DLG2: variants seen among roughly 807,000 people sequenced by gnomAD.
DLG2 encodes discs large MAGUK scaffold protein 2, also known as disks large homolog 2.
DLG2 carries 45 observed loss-of-function variants against 132.5 expected under a neutral mutation model. That is an observed-to-expected ratio of 0.34 (90% CI 0.27 to 0.44). DLG2 has a LOEUF of 0.44. Among genes scored for constraint, DLG2 ranks in the 20% least tolerant of loss-of-function variants. The pLI, the probability that DLG2 is intolerant of heterozygous loss-of-function variation, is 1.00. For missense variants in DLG2, 1,045 were observed against 1,196.9 expected, an observed-to-expected ratio of 0.87 and a Z score of 1.87; for synonymous variants, 424 against 419.6, an observed-to-expected ratio of 1.01 and a Z score of -0.13.
chr11:84,167,994 G>C (rs2095711702), intron 8 of DLG2, among the ~76,000 whole-genome samples: 2 of 152,174 alleles, frequency 1.3e-5, no homozygotes, highest in African/African-American at 4.8e-5. Flanking sequence ...ATATATCTCT[G>C]TGTCACATAT....
chr11:84,160,118 T>G (rs766112745), intron 9 of DLG2, among the ~76,000 whole-genome samples: 2 of 152,096 alleles, frequency 1.3e-5, no homozygotes. Context: ...GGAGATGTCA[T>G]GGCTTCAGAA....
At chr11:83,462,785 A>G (rs1005143237) in intron 26 of DLG2, among the ~76,000 whole-genome samples, 3 of 152,198 alleles carry the variant, frequency 2.0e-5, no homozygotes, top group African/African-American at 7.2e-5. Flanking sequence ...TATGACATAT[A>G]CTCCAAAAAT....
At chr11:84,690,294 A>T (rs965520640) in intron 6 of DLG2, among the ~76,000 whole-genome samples, 1 of 151,944 alleles carries the variant, frequency 6.6e-6, no homozygotes, top group African/African-American at 2.4e-5. Flanking sequence ...ACCACAAAAA[A>T]GATAAGCTGG....
chr11:84,112,076 G>A (rs541797925), intron 9 of DLG2, among the ~76,000 whole-genome samples: 1 of 151,714 alleles, frequency 6.6e-6, no homozygotes, highest in Non-Finnish European at 1.5e-5. Context: ...ACAGTGGCGC[G>A]ATCTTGGCTC....
chr11:85,592,762 G>A (rs896800597), intron 3 of DLG2, among the ~76,000 whole-genome samples: 4 of 152,164 alleles, frequency 2.6e-5, no homozygotes, highest in African/African-American at 4.8e-5. Flanking sequence ...ACCAGCCTGG[G>A]CAAAATGGTG....
chr11:85,583,130 G>GTATGTATATATATATA (rs2078715565), intron 3 of DLG2, among the ~76,000 whole-genome samples: 4 of 13,598 alleles, frequency 2.9e-4, no homozygotes, highest in African/African-American at 8.1e-4. Flanking sequence ...GTGTGTGTGT[G>GTATGTATATATATATA]TATATATATA....
At chr11:85,053,724 C>A (rs2154155215) in intron 6 of DLG2, among the ~76,000 whole-genome samples, 1 of 147,182 alleles carries the variant, frequency 6.8e-6, no homozygotes, top group South Asian at 2.2e-4. Flanking sequence ...ATGGCGTGAA[C>A]CCAGGAGGCA....
chr11:84,216,390 G>T (rs1250366488), intron 8 of DLG2, among the ~76,000 whole-genome samples: 1 of 151,974 alleles, frequency 6.6e-6, no homozygotes, highest in African/African-American at 2.4e-5. Flanking sequence ...ATAACCAAAG[G>T]AATAACGCCA....
At chr11:85,233,538 T>C (rs992705667) in intron 4 of DLG2, among the ~76,000 whole-genome samples, 1 of 151,766 alleles carries the variant, frequency 6.6e-6, no homozygotes, top group Admixed American at 6.6e-5. Flanking sequence ...CTCTCCAGGT[T>C]TGGTCATATT....
chr11:83,766,632 G>A (rs994691991), intron 18 of DLG2, among the ~76,000 whole-genome samples: 5 of 151,994 alleles, frequency 3.3e-5, no homozygotes, highest in Admixed American at 3.3e-4. Context: ...TAATTTGTGG[G>A]AATGCTTCTG....
At chr11:85,013,064 G>A (rs1436251045) in intron 6 of DLG2, among the ~76,000 whole-genome samples, 1 of 152,102 alleles carries the variant, frequency 6.6e-6, no homozygotes, top group Non-Finnish European at 1.5e-5. Context: ...TTCAGAGATA[G>A]TATTTAATAT....
At chr11:83,670,010 T>G (rs1455470877) in intron 18 of DLG2, among the ~76,000 whole-genome samples, 2 of 152,242 alleles carry the variant, frequency 1.3e-5, no homozygotes, top group African/African-American at 4.8e-5. Context: ...CTTTAAATTC[T>G]TTGGTCTCTT....
intron 6 of DLG2, among the ~76,000 whole-genome samples, chr11:84,884,780 T>C (rs1328503319): frequency 1.3e-5 from 2 of 152,088 alleles, no homozygotes; most frequent in African/African-American, 2.4e-5. Flanking sequence ...TTTCAGTTAC[T>C]TGTGGCCAAC....
chr11:84,339,558 G>A (rs1439109315), intron 7 of DLG2, among the ~76,000 whole-genome samples: 2 of 151,972 alleles, frequency 1.3e-5, no homozygotes, highest in Non-Finnish European at 2.9e-5. Flanking sequence ...TTCCATTTTG[G>A]CACAAGTCTT....
At chr11:83,993,206 T>A (rs1031179775) in intron 11 of DLG2, among the ~76,000 whole-genome samples, 11 of 152,164 alleles carry the variant, frequency 7.2e-5, no homozygotes, top group African/African-American at 2.7e-4. Flanking sequence ...TAGACTATGT[T>A]AGCACAGTGC....
intron 18 of DLG2, among the ~76,000 whole-genome samples, chr11:83,731,362 C>T (rs1432722838): frequency 1.3e-5 from 2 of 152,184 alleles, no homozygotes; most frequent in African/African-American, 4.8e-5. Flanking sequence ...TGTATAGGTC[C>T]CACTTATGAG....
chr11:84,650,863 G>GTATA (rs1417830252), intron 6 of DLG2, among the ~76,000 whole-genome samples: 1,189 of 91,606 alleles, frequency 0.013, 2 homozygotes, highest in East Asian at 0.021. Context: ...GTGTGTGTGT[G>GTATA]TGTGTGTGTG....
At chr11:85,477,322 T>C (rs1416611496) in intron 3 of DLG2, among the ~76,000 whole-genome samples, 1 of 152,168 alleles carries the variant, frequency 6.6e-6, no homozygotes, top group Non-Finnish European at 1.5e-5. Flanking sequence ...AATATGAACT[T>C]AAGACCTTGG....
chr11:83,507,788 ATATAT>A (rs2094804977), intron 21 of DLG2, among the ~76,000 whole-genome samples: 1 of 105,252 alleles, frequency 9.5e-6, no homozygotes, highest in Admixed American at 9.7e-5. Context: ...ATATATATAT[ATATAT>A]ATATATGTAT....
Sources: allele counts gnomAD v4.1 joint callset (sites outside exome capture counted in the v4.1 genomes callset), GRCh38; gene constraint gnomAD v4.1.1; transcripts MANE v1.5; gene names NCBI Gene and HGNC (gene_info 2026-07-23, HGNC 2026-07-21).